Variants in DNAJC13 observed in about 807,000 individuals in gnomAD.
DNAJC13 encodes the protein dnaJ homolog subfamily C member 13.
A neutral mutation model predicts 290.5 loss-of-function variants in DNAJC13; 75 were observed. That is an observed-to-expected ratio of 0.26 (90% CI 0.21 to 0.31). The LOEUF is 0.31. Among genes scored for constraint, DNAJC13 ranks in the 10% least tolerant of loss-of-function variants. The probability of loss-of-function intolerance (pLI) is 1.00; values close to 1 mark genes in which losing one functional copy is unlikely to be tolerated. For synonymous variants in DNAJC13, 862 were observed against 892.0 expected, an observed-to-expected ratio of 0.97 and a Z score of 0.60; for missense variants, 2,260 against 2,674.5, an observed-to-expected ratio of 0.85 and a Z score of 3.42.
At chr3:132,488,195 T>C (rs1404959919) in intron 29 of DNAJC13, 103 bp from the exon 30 acceptor site, 1 of 1,040,174 alleles carries the variant, frequency 9.6e-7, no homozygotes, top group African/African-American at 1.6e-5. Context: ...TTTTATTTTA[T>C]AATTTACATA....
chr3:132,528,642 C>T (rs1158944399), intron 54 of DNAJC13, among the ~76,000 whole-genome samples: 1 of 152,220 alleles, frequency 6.6e-6, no homozygotes, highest in Non-Finnish European at 1.5e-5. Flanking sequence ...TAACTTTCAG[C>T]TCTAGGAGTT....
chr3:132,447,846 GT>G, intron 4 of DNAJC13, 51 bp from the exon 5 acceptor site: 1 of 1,512,410 alleles, frequency 6.6e-7, no homozygotes, highest in Non-Finnish European at 9.1e-7. Context: ...AGTGAGCCAA[GT>G]TTTCCTTACC....
At chr3:132,455,061 G>A (rs936163493) in intron 9 of DNAJC13, among the ~76,000 whole-genome samples, 1 of 152,046 alleles carries the variant, frequency 6.6e-6, no homozygotes, top group Non-Finnish European at 1.5e-5. Flanking sequence ...TTAGAACTTT[G>A]ACACCATTTA....
intron 2 of DNAJC13, among the ~76,000 whole-genome samples, chr3:132,441,023 G>A (rs1933046742): frequency 6.6e-6 from 1 of 152,194 alleles, no homozygotes; most frequent in African/African-American, 2.4e-5. Flanking sequence ...TCAAATTTTA[G>A]TTCAAGTTAC....
rs74943585 is a variant in DNAJC13 at position 132,461,607 on chromosome 3, G to A, written c.1713+402G>A. Among the ~76,000 whole-genome samples the A allele has an allele frequency of 8.8e-3, 1,333 of 152,260 alleles. 11 individuals are homozygous for A. Among genetic ancestry groups the A allele is most frequent in the African/African-American group, 0.03 (1,263 of 41,536 alleles). ...ATTTTGAGTGTACAGATTTCTTGGT[G>A]TTTCATGTAGAGTCCCATTGATGGG... On this transcript the variant is annotated intron_variant, in intron 15 of 55. Transcript: ENST00000260818.
chr3:132,423,944 T>C (rs1438777464), intron 1 of DNAJC13, among the ~76,000 whole-genome samples: 2 of 152,178 alleles, frequency 1.3e-5, no homozygotes, highest in Non-Finnish European at 2.9e-5. Flanking sequence ...TTTACCATAG[T>C]AGAGCATGAT....
At position 132,529,767 on chromosome 3, in the gene DNAJC13, A is replaced by G. The variant is rs190298141; in HGVS notation, c.6526-1231A>G. Among the ~76,000 whole-genome samples, 944 of 150,508 alleles carry G rather than the reference A, an allele frequency of 6.3e-3. 6 individuals carry two copies. The highest frequency in any genetic ancestry group is 0.021 in the African/African-American group (874 of 40,712). On this transcript the variant is annotated intron_variant, in intron 54 of 55. Coordinates refer to ENST00000260818, the MANE Select transcript of DNAJC13 (RefSeq NM_015268.4). ...GCGCCACTGCAGTCCAGCCTGGGTG[A>G]AAGAGCGAGACTCTGTCTCAAAAAA...
rs753223661 is a variant in DNAJC13, at chr3:132,479,195, A to T, written c.2710-32A>T. 11 of 1,445,834 alleles carry T rather than the reference A, an allele frequency of 7.6e-6. No individual in the cohort carries two copies. The African/African-American group carries it at 1.4e-4, about 18-fold the overall frequency. The allele number at this position is 1,445,834 out of a possible 1,614,324, so 89.6% of individuals were successfully genotyped here. On this transcript the variant is annotated intron_variant, in intron 24 of 55. Coordinates refer to ENST00000260818, the MANE Select transcript of DNAJC13 (RefSeq NM_015268.4). ...AATACCTTAATTTTTATTTCTATTC[A>T]CTTCTGACCAGATTCTCATTTATTT...
chr3:132,521,123 G>T (rs1053484751), intron 48 of DNAJC13, among the ~76,000 whole-genome samples: 2 of 152,158 alleles, frequency 1.3e-5, no homozygotes, highest in Non-Finnish European at 2.9e-5. Flanking sequence ...CAACAGTCAT[G>T]TACAGTGACT....
chr3:132,526,351 G>A, intron 53 of DNAJC13, 70 bp downstream of exon 53: 1 of 1,582,818 alleles, frequency 6.3e-7, no homozygotes, highest in Non-Finnish European at 8.6e-7. Flanking sequence ...TACCTATTTG[G>A]TACTGATTTG....
chr3:132,523,222 A>G, intron 50 of DNAJC13, 23 bp downstream of exon 50: 1 of 1,612,078 alleles, frequency 6.2e-7, no homozygotes, highest in Non-Finnish European at 8.5e-7. Flanking sequence ...TTTATTTTAC[A>G]TCTTATTTTC....
intron 41 of DNAJC13, among the ~76,000 whole-genome samples, chr3:132,503,655 A>C (rs141308830): frequency 6.6e-6 from 1 of 152,330 alleles, no homozygotes; most frequent in African/African-American, 2.4e-5. Flanking sequence ...AGGACGAGAG[A>C]GTGAAGTTGG....
At chr3:132,448,995 GC>G (rs1323758894) in intron 5 of DNAJC13, among the ~76,000 whole-genome samples, 10 of 152,092 alleles carry the variant, frequency 6.6e-5, no homozygotes, top group African/African-American at 2.2e-4. Context: ...TTTTATATAA[GC>G]TGTCTTTTGT....
intron 3 of DNAJC13, 85 bp from the exon 4 acceptor site, chr3:132,447,236 G>T: frequency 8.3e-7 from 1 of 1,199,756 alleles, no homozygotes; most frequent in Non-Finnish European, 1.1e-6. Flanking sequence ...GATTTAATCA[G>T]TGATTATGAA....
In DNAJC13 at chr3:132,492,532, G is replaced by A. The variant is rs749348874; in HGVS notation, c.3742G>A (p.Glu1248Lys). ...TCCTATAATCAACTATCCACAACTCGAAAATGAACTATTTTGTAATATTTA... is the reference window on the plus strand; with the variant it reads ...TCCTATAATCAACTATCCACAACTCAAAAATGAACTATTTTGTAATATTTA... ...PIPIINYPQL[E>K]NELFCNIYYL... Residue 1248 changes from glutamate to lysine, a missense_variant, in exon 33 of 56, where the codon GAA becomes AAA. Glu to Lys is a moderately conservative substitution (Grantham distance 56). Around this residue, in one of 3 missense-constraint regions of DNAJC13, gnomAD observed 1,494 missense variants for 1,693.7 expected, o/e 0.88. Transcript: ENST00000260818. 21 of 1,613,604 alleles carry A rather than the reference G, an allele frequency of 1.3e-5. No homozygotes were observed. The East Asian group carries it at 1.3e-4, about 10-fold the overall frequency.
chr3:132,474,609 T>C (rs1302301056), intron 21 of DNAJC13, among the ~76,000 whole-genome samples: 2 of 151,710 alleles, frequency 1.3e-5, no homozygotes, highest in Non-Finnish European at 2.9e-5. Flanking sequence ...AGGTGTTTTT[T>C]TTTTTAATTC....
intron 30 of DNAJC13, 79 bp from the exon 31 acceptor site, chr3:132,488,897 G>C: frequency 9.5e-7 from 1 of 1,047,502 alleles, no homozygotes. Flanking sequence ...AGCTATAAAA[G>C]ATCTAGTCTT....
At chr3:132,514,921 T>TCCACC in intron 46 of DNAJC13, 1 of 194,552 alleles carries the variant, frequency 5.1e-6, no homozygotes, top group Non-Finnish European at 9.2e-6. Flanking sequence ...TTCAGTTTGT[T>TCCACC]GAGATCTACA....
intron 24 of DNAJC13, among the ~76,000 whole-genome samples, chr3:132,478,371 C>T (rs1213785156): frequency 2.0e-5 from 3 of 152,086 alleles, no homozygotes; most frequent in African/African-American, 7.2e-5. Context: ...TTTCAAATGA[C>T]TTTAGTTGAC....
Sources: gnomAD v4.1 joint callset for allele counts (sites outside exome capture counted in the v4.1 genomes callset) on GRCh38, gnomAD v4.1.1 for gene constraint, gnomAD v4.1.1 regional missense constraint, MANE v1.5 for transcripts, NCBI Gene and HGNC (gene_info 2026-07-23, HGNC 2026-07-21) for gene names.